DLG1: variants seen among roughly 807,000 people sequenced by gnomAD.
DLG1 encodes the protein disks large homolog 1.
A neutral mutation model predicts 123.4 loss-of-function variants in DLG1; 42 were observed. The observed-to-expected ratio is 0.34, with a 90% CI of 0.27 to 0.44. The LOEUF (loss-of-function observed/expected upper bound fraction) is 0.44, where lower values mean the gene tolerates loss of function less well. Among genes scored for constraint, DLG1 ranks in the 20% least tolerant of loss-of-function variants. The pLI, the probability that DLG1 is intolerant of heterozygous loss-of-function variation, is 1.00. For missense variants in DLG1, 942 were observed against 1,082.6 expected, an observed-to-expected ratio of 0.87 and a Z score of 1.82; for synonymous variants, 317 against 356.2, an observed-to-expected ratio of 0.89 and a Z score of 1.24.
chr3:197,046,711 A>T (rs959168064), intron 24 of DLG1, among the ~76,000 whole-genome samples: 2 of 152,116 alleles, frequency 1.3e-5, no homozygotes, highest in Non-Finnish European at 2.9e-5. Flanking sequence ...CTCTACAAAA[A>T]ATACAAAAAT....
intron 4 of DLG1, among the ~76,000 whole-genome samples, chr3:197,253,951 T>C (rs567066397): frequency 1.6e-4 from 24 of 150,974 alleles, no homozygotes; most frequent in Non-Finnish European, 3.2e-4. Flanking sequence ...TGGAAATTTC[T>C]GCACACGAAG....
intron 4 of DLG1, among the ~76,000 whole-genome samples, chr3:197,221,240 G>A (rs1173001099): frequency 2.6e-5 from 4 of 152,130 alleles, no homozygotes; most frequent in South Asian, 2.1e-4. Flanking sequence ...AACAGGGACC[G>A]GGCGTGGTGG....
chr3:197,290,508 ACT>A (rs1774295392), intron 3 of DLG1, among the ~76,000 whole-genome samples: 1 of 152,088 alleles, frequency 6.6e-6, no homozygotes, highest in Admixed American at 6.6e-5. Context: ...AGAGCAGATG[ACT>A]CTGTGTACCT....
chr3:197,205,465 T>C (rs1033925180), intron 4 of DLG1, among the ~76,000 whole-genome samples: 1 of 152,028 alleles, frequency 6.6e-6, no homozygotes, highest in Non-Finnish European at 1.5e-5. Context: ...ATTCCAAAAA[T>C]GTCAGAATAG....
chr3:197,092,749 C>T (rs780935320), intron 14 of DLG1, among the ~76,000 whole-genome samples: 1 of 152,184 alleles, frequency 6.6e-6, no homozygotes, highest in Non-Finnish European at 1.5e-5. Flanking sequence ...GCAGTCCTCT[C>T]GCTTTGGCCT....
chr3:197,185,830 A>C (rs946792068), intron 5 of DLG1, among the ~76,000 whole-genome samples: 2 of 152,158 alleles, frequency 1.3e-5, no homozygotes, highest in Non-Finnish European at 2.9e-5. Flanking sequence ...TCAAACTGTA[A>C]ACAGTACCAA....
intron 1 of DLG1, chr3:197,298,274 G>T: frequency 2.7e-6 from 1 of 372,214 alleles, no homozygotes; most frequent in Non-Finnish European, 4.8e-6. Flanking sequence ...GGGAGGGCAG[G>T]GGAACGGAAG....
chr3:197,066,613 C>G (rs1289475741), intron 20 of DLG1, 91 bp downstream of exon 20: 4 of 952,408 alleles, frequency 4.2e-6, no homozygotes, highest in Non-Finnish European at 3.2e-6. Flanking sequence ...AATTTTAATA[C>G]AACATTTTTT....
At chr3:197,121,780 C>G (rs1776490110) in intron 11 of DLG1, among the ~76,000 whole-genome samples, 1 of 143,472 alleles carries the variant, frequency 7.0e-6, no homozygotes, top group South Asian at 2.2e-4. Context: ...GCAAGGCTGC[C>G]TCTGTGAGAA....
At chr3:197,255,281 C>T (rs1264366200) in intron 4 of DLG1, among the ~76,000 whole-genome samples, 1 of 152,112 alleles carries the variant, frequency 6.6e-6, no homozygotes, top group African/African-American at 2.4e-5. Flanking sequence ...GACACCAACA[C>T]CAATAAGAGG....
chr3:197,219,728 GAC>G (rs1735948559), intron 4 of DLG1, among the ~76,000 whole-genome samples: 1 of 152,178 alleles, frequency 6.6e-6, no homozygotes, highest in Admixed American at 6.5e-5. Context: ...CACACTGAGA[GAC>G]ACAGCGGGGA....
rs763252926 is a variant in DLG1 at position 197,085,596 on chromosome 3, T to C, written c.1822A>G (p.Ile608Val). 6.2e-7 allele frequency: 1 copy of C among 1,614,060 alleles called. No homozygotes were observed. Among genetic ancestry groups the C allele is most frequent in the South Asian group, 1.1e-5 (1 of 91,082 alleles). Residue 608 changes from isoleucine to valine, a missense_variant, in exon 16 of 25, where the codon ATT (isoleucine) becomes GTT (valine). Ile to Val is a conservative substitution (Grantham distance 29). Coordinates refer to ENST00000667157, the MANE Select transcript of DLG1 (RefSeq NM_001366207.1). ...CAGGCATACCTGCGTTTACTGGGAATCACTCCGACCTCATCGCTCTCACCA... is the reference window on the plus strand; with the variant it reads ...CAGGCATACCTGCGTTTACTGGGAACCACTCCGACCTCATCGCTCTCACCA... ...PDGESDEVGV[I>V]PSKRRVEKKE... is the part of the protein sequence containing the mutation.
At chr3:197,175,002 G>C (rs1269819709) in intron 5 of DLG1, among the ~76,000 whole-genome samples, 2 of 152,140 alleles carry the variant, frequency 1.3e-5, no homozygotes, top group Non-Finnish European at 2.9e-5. Flanking sequence ...CCAAATTGGG[G>C]CTTAAAGGAA....
Position 197,278,282 on chromosome 3 carries a change from CAAAAAAAAAAAAAAAAAAAAA to C in DLG1, c.318+4376_318+4396del, listed in dbSNP as rs71164203. ...TCGGTGGGAGAGCAAGACTCTGTCC[CAAAAAAAAAAAAAAAAAAAAA>C]AAAAAAAAGAAATGATTTTAGCTGG... On this transcript the variant is annotated intron_variant, in intron 4 of 24. Transcript: ENST00000667157. 1.7e-3 allele frequency among the ~76,000 whole-genome samples: 62 copies of C among 37,538 alleles called. 1 individual carries two copies. The highest frequency in any genetic ancestry group is 6.7e-3 in the African/African-American group (58 of 8,670). 24.6% of individuals were successfully genotyped at this position (37,538 alleles called of 152,430 possible).
intron 4 of DLG1, among the ~76,000 whole-genome samples, chr3:197,200,986 C>T (rs1358396095): frequency 1.3e-5 from 2 of 152,104 alleles, no homozygotes; most frequent in East Asian, 1.9e-4. Flanking sequence ...CTTGTCACAG[C>T]AATTAGGCAA....
chr3:197,075,676 A>C (rs1746784134), intron 18 of DLG1, among the ~76,000 whole-genome samples: 1 of 152,210 alleles, frequency 6.6e-6, no homozygotes, highest in Non-Finnish European at 1.5e-5. Context: ...TACAGAAATA[A>C]AGTCCCAAGC....
At chr3:197,240,963 A>G (rs1372393006) in intron 4 of DLG1, among the ~76,000 whole-genome samples, 1 of 152,198 alleles carries the variant, frequency 6.6e-6, no homozygotes, top group East Asian at 1.9e-4. Context: ...AAGAAAGTTG[A>G]GCAAAAGCAT....
intron 5 of DLG1, among the ~76,000 whole-genome samples, chr3:197,176,030 G>T (rs1253612145): frequency 6.6e-6 from 1 of 151,910 alleles, no homozygotes; most frequent in Non-Finnish European, 1.5e-5. Context: ...ATCTATCCTT[G>T]ACAGAAACGC....
chr3:197,142,925 G>T, intron 6 of DLG1, 157 bp from the exon 7 acceptor site: 1 of 607,922 alleles, frequency 1.6e-6, no homozygotes. Flanking sequence ...AGATTTTCAA[G>T]GAATGGAAAA....
Sources: allele counts gnomAD v4.1 joint callset (sites outside exome capture counted in the v4.1 genomes callset), GRCh38; gene constraint gnomAD v4.1.1; transcripts MANE v1.5; gene names NCBI Gene and HGNC (gene_info 2026-07-23, HGNC 2026-07-21).